GOLIM4: variants seen among roughly 807,000 people sequenced by gnomAD.
The protein encoded by GOLIM4 is golgi integral membrane protein 4.
Under a neutral mutation model 107.4 loss-of-function variants are expected in GOLIM4, and 71 were observed. The ratio of observed to expected loss-of-function variants is 0.66; its 90% confidence interval spans 0.55 to 0.81. The LOEUF (loss-of-function observed/expected upper bound fraction) is 0.81, where lower values mean the gene tolerates loss of function less well. Among genes scored for constraint, GOLIM4 ranks in the 30% least tolerant of loss-of-function variants. The pLI is 0.00. For synonymous variants in GOLIM4, 327 were observed against 294.8 expected, an observed-to-expected ratio of 1.11 and a Z score of -1.12; for missense variants, 830 against 826.1, an observed-to-expected ratio of 1.00 and a Z score of -0.06.
At chr3:168,025,404 T>C (rs73174977) in intron 12 of GOLIM4, among the ~76,000 whole-genome samples, 6,566 of 152,144 alleles carry the variant, frequency 0.043, 179 homozygotes, top group Non-Finnish European at 0.069. Context: ...AACAAGAAAA[T>C]AATTAATAAA....
intron 14 of GOLIM4, among the ~76,000 whole-genome samples, chr3:168,021,315 A>G (rs1413329318): frequency 6.6e-6 from 1 of 152,218 alleles, no homozygotes; most frequent in East Asian, 1.9e-4. Flanking sequence ...AAAGGCCTTC[A>G]GCAACATTAG....
At chr3:168,070,571 G>C (rs900532656) in intron 1 of GOLIM4, among the ~76,000 whole-genome samples, 3 of 152,148 alleles carry the variant, frequency 2.0e-5, no homozygotes, top group Admixed American at 6.5e-5. Context: ...AGACTCAAAG[G>C]TAAAGTAAAA....
At chr3:168,046,685 T>C (rs1482954509) in intron 3 of GOLIM4, among the ~76,000 whole-genome samples, 1 of 151,962 alleles carries the variant, frequency 6.6e-6, no homozygotes, top group Non-Finnish European at 1.5e-5. Flanking sequence ...TGCAAACAAA[T>C]AAATGAAATA....
chr3:168,078,319 CAAGT>C (rs1408414173), intron 1 of GOLIM4, among the ~76,000 whole-genome samples: 1 of 152,040 alleles, frequency 6.6e-6, no homozygotes, highest in East Asian at 1.9e-4. Flanking sequence ...TAAATTATCA[CAAGT>C]AATAAAAGTA....
rs770165297 is a variant in GOLIM4 at position 168,032,558 on chromosome 3, C to T, written c.1138G>A (p.Glu380Lys). ...TGCCCTTCCAGGAGGTTGGCTGCTT[C>T]TCGTTGCTCATGCTGCTCTTTCCAC... ...REWKEQHEQR[E>K]AANLLEGHAR... is the part of the protein sequence containing the mutation. The change falls in exon 9 of 16, where the codon GAA becomes AAA. Residue 380 changes from glutamate to lysine, a missense_variant. Transcript: ENST00000470487. The T allele has an allele frequency of 2.5e-6, 4 of 1,614,164 alleles. No individual in the cohort carries two copies. In the East Asian group the frequency reaches 6.7e-5, roughly 27 times the overall value.
chr3:168,052,988 G>A (rs1429437965), intron 1 of GOLIM4, among the ~76,000 whole-genome samples: 3 of 152,136 alleles, frequency 2.0e-5, no homozygotes, highest in Admixed American at 1.3e-4. Context: ...GAACTCAGGA[G>A]AAAAAGATGA....
Position 168,040,882 on chromosome 3 carries a change from G to T in GOLIM4, c.601-13C>A, listed in dbSNP as rs1204492421. On this transcript the variant is annotated splice_polypyrimidine_tract_variant and intron_variant, in intron 6 of 15. Transcript: ENST00000470487. ...TCTTATGCTGTTGCTACACAAAAAA[G>T]AATTTTACATGTTGAGCTTTAACAT... 2.6e-6 allele frequency: 4 copies of T among 1,562,196 alleles called. No individual in the cohort carries two copies. The highest frequency in any genetic ancestry group is 2.2e-5 in the South Asian group (2 of 89,830).
rs80062717 is a variant in GOLIM4 at position 168,054,104 on chromosome 3, C to G, written c.188-5739G>C. Among the ~76,000 whole-genome samples the G allele has an allele frequency of 9.5e-3, 1,443 of 152,344 alleles. 22 individuals carry two copies. The highest frequency in any genetic ancestry group is 0.031 in the African/African-American group (1,295 of 41,560). On this transcript the variant is annotated intron_variant, in intron 1 of 15. Transcript: ENST00000470487. ...AACCTCTCACAGATGACTCCCAAAC[C>G]ATGAAACCCAGATTTTACTTCTCAC...
At chr3:168,059,880 G>A (rs1720164273) in intron 1 of GOLIM4, among the ~76,000 whole-genome samples, 1 of 152,072 alleles carries the variant, frequency 6.6e-6, no homozygotes, top group Non-Finnish European at 1.5e-5. Context: ...AGATATCTAG[G>A]GGGAGACTCT....
chr3:168,014,359 A>G (rs907741893), intron 14 of GOLIM4, among the ~76,000 whole-genome samples: 1 of 145,780 alleles, frequency 6.9e-6, no homozygotes, highest in Non-Finnish European at 1.5e-5. Context: ...GAATCTCTGA[A>G]TAGACCAATA....
chr3:168,033,539 G>A (rs568152697), intron 8 of GOLIM4, among the ~76,000 whole-genome samples: 90 of 145,438 alleles, frequency 6.2e-4, no homozygotes, highest in Admixed American at 9.9e-4. Flanking sequence ...CCCGGGAGGC[G>A]GAGCTTGCAG....
At position 168,041,446 on chromosome 3, in the gene GOLIM4, A is replaced by G. The variant is rs762356497; in HGVS notation, c.546T>C (p.Asn182=). ...KETVYNLREE[N]RQLRKAHQDI... ...CTTGGTGTGCTTTCCTTAGTTGTCT[A>G]TTCTCTTCTCTCAAATTGTATACAG... The change falls in exon 6 of 16, where the codon AAT becomes AAC. Residue 182 remains asparagine, a synonymous_variant. Coordinates refer to ENST00000470487, the MANE Select transcript of GOLIM4 (RefSeq NM_014498.5). The G allele has an allele frequency of 1.9e-6, 3 of 1,574,980 alleles. No individual in the cohort carries two copies. Among genetic ancestry groups the G allele is most frequent in the Middle Eastern group, 1.7e-4 (1 of 5,760 alleles).
chr3:168,027,727 C>T lies in GOLIM4; in HGVS notation c.1623+1G>A, dbSNP rs776143740. 5.1e-6 allele frequency: 8 copies of T among 1,570,928 alleles called. No homozygotes were observed. Among genetic ancestry groups the T allele is most frequent in the Non-Finnish European group, 6.1e-6 (7 of 1,140,650 alleles). On this transcript the variant is annotated splice_donor_variant, in intron 12 of 15. Transcript: ENST00000470487. LOFTEE classifies it high-confidence loss of function. ...TCAGGGGCAGAAGAGAGGATACTTA[C>T]ATCTGCCTCAGATTCTGGGTCGGCT...
At chr3:168,018,370 CTGT>C (rs1433759764) in intron 14 of GOLIM4, among the ~76,000 whole-genome samples, 2 of 152,162 alleles carry the variant, frequency 1.3e-5, no homozygotes, top group Admixed American at 1.3e-4. Context: ...AAAACTTGGC[CTGT>C]CGAGAGCCTA....
At position 168,018,796 on chromosome 3, in the gene GOLIM4, T is replaced by C. The variant is rs553916191; in HGVS notation, c.1860+5730A>G. ...CAGCCTTAATAATGAAAATATATTATTTATAAACATTAAAATGTTGTAGTT... is the reference window on the plus strand; with the variant it reads ...CAGCCTTAATAATGAAAATATATTACTTATAAACATTAAAATGTTGTAGTT... On this transcript the variant is annotated intron_variant, in intron 14 of 15. Coordinates refer to ENST00000470487, the MANE Select transcript of GOLIM4 (RefSeq NM_014498.5). Among the ~76,000 whole-genome samples, 19 of 152,222 alleles carry C rather than the reference T, an allele frequency of 1.2e-4. No homozygotes were observed. In the East Asian group the frequency reaches 2.9e-3, roughly 23 times the overall value.
rs947414656 is a variant in GOLIM4 at position 168,043,471 on chromosome 3, T to C, written c.425A>G (p.Gln142Arg). The change falls in exon 5 of 16, where the codon CAA (glutamine) becomes CGA (arginine). Residue 142 changes from glutamine to arginine, a missense_variant. Gln to Arg is a conservative substitution (Grantham distance 43). Coordinates refer to ENST00000470487, the MANE Select transcript of GOLIM4 (RefSeq NM_014498.5). ...HSDLEEEHRK[Q>R]GEDFSRTFND... ...AAATGTTCTACTGAAGTCTTCCCCT[T>C]GTTTGCGATGTTCCTCTTCCAAGTC... The C allele has an allele frequency of 2.5e-6, 4 of 1,613,692 alleles. No individual in the cohort carries two copies. The highest frequency in any genetic ancestry group is 3.4e-6 in the Non-Finnish European group (4 of 1,179,698).
chr3:168,045,628 T>C (rs1719255404), intron 3 of GOLIM4, among the ~76,000 whole-genome samples: 1 of 152,170 alleles, frequency 6.6e-6, no homozygotes, highest in African/African-American at 2.4e-5. Flanking sequence ...CCTGATTCTT[T>C]TCCCTCTCTA....
intron 1 of GOLIM4, among the ~76,000 whole-genome samples, chr3:168,083,930 C>T (rs1721493806): frequency 6.6e-6 from 1 of 152,124 alleles, no homozygotes; most frequent in Non-Finnish European, 1.5e-5. Flanking sequence ...TGATGAGATA[C>T]CACTTCCAAG....
In GOLIM4 at chr3:168,048,321, C is replaced by T; in HGVS notation, c.232G>A (p.Glu78Lys). 1 of 1,536,560 alleles carries T rather than the reference C, an allele frequency of 6.5e-7. No individual in the cohort carries two copies. The highest frequency in any genetic ancestry group is 8.9e-7 in the Non-Finnish European group (1 of 1,117,676). The change falls in exon 2 of 16, where the codon GAA becomes AAA. Residue 78 changes from glutamate to lysine, a missense_variant. Coordinates refer to ENST00000470487, the MANE Select transcript of GOLIM4 (RefSeq NM_014498.5). ...TTTGCTTTTTTATGTTCAAGTCTTT[C>T]TTTTTGCAAGGATTTCTCTAATCTT... ...RSRLEKSLQK[E>K]RLEHKKAKED...
Sources: allele counts gnomAD v4.1 joint callset (sites outside exome capture counted in the v4.1 genomes callset), GRCh38; gene constraint gnomAD v4.1.1; transcripts MANE v1.5; gene names NCBI Gene and HGNC (gene_info 2026-07-23, HGNC 2026-07-21).